SLC8A2: variants seen among roughly 807,000 people sequenced by gnomAD.
SLC8A2 encodes sodium/calcium exchanger 2.
A neutral mutation model predicts 70.2 loss-of-function variants in SLC8A2; 14 were observed. The observed-to-expected ratio is 0.20, with a 90% CI of 0.13 to 0.31. The LOEUF (loss-of-function observed/expected upper bound fraction) is 0.31. SLC8A2 is among the 10% of genes least tolerant of loss of function. The probability of loss-of-function intolerance (pLI) is 1.00; values close to 1 mark genes in which losing one functional copy is unlikely to be tolerated. For synonymous variants in SLC8A2, 575 were observed against 594.3 expected, an observed-to-expected ratio of 0.97 and a Z score of 0.47; for missense variants, 779 against 1,320.1, an observed-to-expected ratio of 0.59 and a Z score of 6.35.
At chr19:47,436,390 A>C (rs577549399) in intron 8 of SLC8A2, among the ~76,000 whole-genome samples, 2 of 152,280 alleles carry the variant, frequency 1.3e-5, no homozygotes, top group South Asian at 4.1e-4. Context: ...GTCCCTGGCA[A>C]TGTCTCACAT....
At chr19:47,434,534 A>G (rs528349470) in intron 8 of SLC8A2, among the ~76,000 whole-genome samples, 2 of 152,302 alleles carry the variant, frequency 1.3e-5, no homozygotes, top group South Asian at 4.1e-4. Flanking sequence ...GTTCATGTAA[A>G]GTGCTGTCAA....
chr19:47,437,538 C>A lies in SLC8A2; in HGVS notation c.2034G>T (p.Lys678Asn), dbSNP rs770037884. The A allele has an allele frequency of 1.2e-6, 2 of 1,613,856 alleles. No individual in the cohort carries two copies. The highest frequency in any genetic ancestry group is 1.7e-6 in the Non-Finnish European group (2 of 1,179,812). The part of the protein sequence containing the change: ...DFKNTVDKLI[K>N]KTNLALVIGT... ...CAATTACCAAGGCCAAGTTCGTTTT[C>A]TTGATGAGTTTATCCACCGTGTTCT... Residue 678 changes from lysine (K) to asparagine (N), a missense_variant, in exon 8 of 10, where the codon AAG (lysine) becomes AAT (asparagine). Physicochemically the swap from Lys to Asn is moderately conservative, Grantham distance 94. Coordinates refer to ENST00000236877, the MANE Select transcript of SLC8A2 (RefSeq NM_015063.3).
Position 47,452,397 on chromosome 19 carries a change from G to GGA in SLC8A2, c.1341-4168_1341-4167dup, listed in dbSNP as rs56184564. ...GCCCAGCTTATATATATATATATAT[G>GGA]GAGAGAGAGAGAGAGAGAGAGAGAG... On this transcript the variant is annotated intron_variant, in intron 3 of 9. Coordinates refer to ENST00000236877, the MANE Select transcript of SLC8A2 (RefSeq NM_015063.3). Among the ~76,000 whole-genome samples the GGA allele has an allele frequency of 5.2e-3, 343 of 65,434 alleles. 5 individuals carry two copies. The highest frequency in any genetic ancestry group is 0.013 in the Middle Eastern group (1 of 78). 42.9% of individuals were successfully genotyped at this position (65,434 alleles called of 152,430 possible). A position where few individuals can be genotyped will look rare whatever the true frequency, so the allele number is the denominator to read the frequency against.
chr19:47,437,417 T>C, intron 8 of SLC8A2, 45 bp downstream of exon 8: 1 of 1,280,220 alleles, frequency 7.8e-7, no homozygotes, highest in Non-Finnish European at 1.1e-6. Flanking sequence ...CCTGTGTCTC[T>C]GTCTCTCCAT....
intron 2 of SLC8A2, among the ~76,000 whole-genome samples, chr19:47,460,811 G>A (rs945398221): frequency 9.9e-5 from 15 of 152,176 alleles, no homozygotes; most frequent in African/African-American, 2.9e-4. Context: ...CCCAGCACAG[G>A]CCTGGCACAT....
At chr19:47,452,097 T>C (rs1470966905) in intron 3 of SLC8A2, among the ~76,000 whole-genome samples, 3 of 152,172 alleles carry the variant, frequency 2.0e-5, no homozygotes, top group Non-Finnish European at 4.4e-5. Flanking sequence ...AGTGAGATCA[T>C]AGTATTGTGA....
rs370245986 is a variant in SLC8A2, at chr19:47,435,571, C to T, written c.2110+1891G>A. ...CTTCGTTTTTTTTTTTTTTTTTAGA[C>T]GGAGTTTCGCTTTGTTGCCCAGGCT... is the stretch of plus-strand genomic sequence containing the variant. On this transcript the variant is annotated intron_variant, in intron 8 of 9. Coordinates refer to ENST00000236877, the MANE Select transcript of SLC8A2 (RefSeq NM_015063.3). 6.5e-3 allele frequency among the ~76,000 whole-genome samples: 857 copies of T among 132,578 alleles called. 3 individuals carry two copies. The highest frequency in any genetic ancestry group is 0.027 in the African/African-American group (828 of 30,872). The allele number at this position is 132,578 out of a possible 152,430, so 87.0% of individuals were successfully genotyped here.
intron 8 of SLC8A2, among the ~76,000 whole-genome samples, chr19:47,436,253 C>G (rs535271659): frequency 5.2e-4 from 79 of 152,270 alleles, no homozygotes; most frequent in African/African-American, 1.9e-3. Context: ...GGTTAGGAAC[C>G]GCATCAGGGC....
intron 1 of SLC8A2, among the ~76,000 whole-genome samples, chr19:47,469,573 C>T (rs917268897): frequency 1.3e-5 from 2 of 152,158 alleles, no homozygotes; most frequent in African/African-American, 4.8e-5. Flanking sequence ...CTTTTTCCTG[C>T]AAAACCTGGT....
At position 47,428,524 on chromosome 19, in the gene SLC8A2, T is replaced by G. The variant is rs928297189; in HGVS notation, c.*1565A>C. Reference sequence around the variant, plus strand: ...GAGCTTGGCGGCTGGACCCCGGCGCTGCTGCTATATGTGGGTGTGTCCCGC... The same window carrying G: ...GAGCTTGGCGGCTGGACCCCGGCGCGGCTGCTATATGTGGGTGTGTCCCGC... On this transcript the variant is annotated 3_prime_UTR_variant, in exon 10 of 10. Coordinates refer to ENST00000236877, the MANE Select transcript of SLC8A2 (RefSeq NM_015063.3). 2 of 152,492 alleles carry G rather than the reference T, an allele frequency of 1.3e-5. No individual in the cohort carries two copies. Among genetic ancestry groups the G allele is most frequent in the Non-Finnish European group, 2.9e-5 (2 of 68,122 alleles). The allele number at this position is 152,492 out of a possible 1,614,324, so 9.4% of individuals were successfully genotyped here.
Position 47,468,651 on chromosome 19 carries a change from C to T in SLC8A2, c.-16-2232G>A, listed in dbSNP as rs923453381. 3.3e-5 allele frequency among the ~76,000 whole-genome samples: 5 copies of T among 152,200 alleles called. No homozygotes were observed. Among genetic ancestry groups the T allele is most frequent in the Non-Finnish European group, 5.9e-5 (4 of 68,036 alleles). On this transcript the variant is annotated intron_variant, in intron 1 of 9. Transcript: ENST00000236877. This position sits in a 1 kb window ranked among gnomAD's most constrained non-coding sequence, Gnocchi z 5.1. ...CCCTTTCAGGTTTCCACTCTGATGT[C>T]AGCTTCCCCAAACACCCCATCCAAA...
intron 3 of SLC8A2, among the ~76,000 whole-genome samples, chr19:47,454,901 C>T (rs1967285946): frequency 6.6e-6 from 1 of 152,080 alleles, no homozygotes; most frequent in African/African-American, 2.4e-5. Flanking sequence ...GCCTGGCCAA[C>T]ACGATGAAAC....
Position 47,465,872 on chromosome 19 carries a change from C to T in SLC8A2, c.532G>A (p.Ala178Thr). 1 of 1,614,124 alleles carries T rather than the reference C, an allele frequency of 6.2e-7. No individual in the cohort carries two copies. The highest frequency in any genetic ancestry group is 8.5e-7 in the Non-Finnish European group (1 of 1,180,042). Reference sequence around the variant, plus strand: ...GCTGGGATGACGTAGATGCACACGGCGATGACCACAAACATGTTGAAGGCA... The same window carrying T: ...GCTGGGATGACGTAGATGCACACGGTGATGACCACAAACATGTTGAAGGCA... ...SAAFNMFVVI[A>T]VCIYVIPAGE... Residue 178 changes from alanine (A) to threonine (T), a missense_variant, in exon 2 of 10, where the codon GCC becomes ACC. Coordinates refer to ENST00000236877, the MANE Select transcript of SLC8A2 (RefSeq NM_015063.3). This position sits in a 1 kb window ranked among gnomAD's most constrained non-coding sequence, Gnocchi z 5.5.
In SLC8A2 at chr19:47,448,267, G is replaced by C. The variant is rs769438375; in HGVS notation, c.1341-36C>G. Reference sequence around the variant, plus strand: ...GTGGGGAGGGGGAAGAGCGGGGTGAGGGTCGGTCATCGGCTGTGTGTTGTA... The same window carrying C: ...GTGGGGAGGGGGAAGAGCGGGGTGACGGTCGGTCATCGGCTGTGTGTTGTA... On this transcript the variant is annotated intron_variant, in intron 3 of 9. Coordinates refer to ENST00000236877, the MANE Select transcript of SLC8A2 (RefSeq NM_015063.3). The surrounding 1 kb of genome is among the most constrained non-coding windows in gnomAD (Gnocchi z 4.8). The C allele has an allele frequency of 4.5e-6, 7 of 1,538,678 alleles. No homozygotes were observed. The highest frequency in any genetic ancestry group is 6.2e-6 in the Non-Finnish European group (7 of 1,133,286).
intron 2 of SLC8A2, among the ~76,000 whole-genome samples, chr19:47,459,769 GTGTGCATGTGTGTCCATC>G (rs1171267520): frequency 6.6e-6 from 1 of 151,922 alleles, no homozygotes; most frequent in Admixed American, 6.6e-5. Flanking sequence ...GTGTGCATGT[GTGTGCATGTGTGTCCATC>G]TGTGTGTGTG....
intron 6 of SLC8A2, 56 bp from the exon 7 acceptor site, chr19:47,438,029 T>A: frequency 1.9e-6 from 3 of 1,607,682 alleles, no homozygotes; most frequent in Non-Finnish European, 2.6e-6. Flanking sequence ...ATTGGGCCTG[T>A]GACGCCTTTA....
chr19:47,459,515 TGTGCACGTGC>T (rs1411346260), intron 2 of SLC8A2, among the ~76,000 whole-genome samples: 1 of 152,060 alleles, frequency 6.6e-6, no homozygotes, highest in African/African-American at 2.4e-5. Flanking sequence ...TCTCTGTGTG[TGTGCACGTGC>T]GTGCGCGTGT....
Position 47,430,033 on chromosome 19 carries a change from TG to T in SLC8A2, c.*55del. 1 of 1,514,820 alleles carries T rather than the reference TG, an allele frequency of 6.6e-7. No individual in the cohort carries two copies. The highest frequency in any genetic ancestry group is 8.9e-7 in the Non-Finnish European group (1 of 1,128,604). 93.8% of individuals were successfully genotyped at this position (1,514,820 alleles called of 1,614,324 possible). ...AAGGAGACCAGGGTCCAAGAGCAGG[TG>T]CAGCCGAGTCCCTAGCCCCGGGCGG... On this transcript the variant is annotated 3_prime_UTR_variant, in exon 10 of 10. Coordinates refer to ENST00000236877, the MANE Select transcript of SLC8A2 (RefSeq NM_015063.3). This position sits in a 1 kb window ranked among gnomAD's most constrained non-coding sequence, Gnocchi z 5.9.
chr19:47,470,768 T>C (rs1967526471), intron 1 of SLC8A2, among the ~76,000 whole-genome samples: 1 of 152,100 alleles, frequency 6.6e-6, no homozygotes, highest in Admixed American at 6.6e-5. Context: ...TCATCTCTAC[T>C]ACAGAGGCTA....
Sources: allele counts gnomAD v4.1 joint callset (sites outside exome capture counted in the v4.1 genomes callset), GRCh38; gene constraint gnomAD v4.1.1; non-coding constraint Gnocchi (gnomAD v3.1); transcripts MANE v1.5; gene names NCBI Gene and HGNC (gene_info 2026-07-23, HGNC 2026-07-21).